The following SNTB1 variants were observed in gnomAD, a reference collection of about 807,000 sequenced individuals.
SNTB1 encodes the protein syntrophin beta 1, also known as beta-1-syntrophin.
SNTB1 carries 36 observed loss-of-function variants against 48.9 expected under a neutral mutation model. The observed-to-expected ratio is 0.74, with a 90% confidence interval of 0.56 to 0.97. The LOEUF is 0.97. Ranked by LOEUF, SNTB1 falls within the 50% of genes least tolerant of loss-of-function variation. SNTB1 has a pLI of 0.00. For synonymous variants in SNTB1, 299 were observed against 294.6 expected, an observed-to-expected ratio of 1.01 and a Z score of -0.15; for missense variants, 786 against 703.4, an observed-to-expected ratio of 1.12 and a Z score of -1.33.
intron 4 of SNTB1, among the ~76,000 whole-genome samples, chr8:120,572,159 C>T (rs1815865878): frequency 6.6e-6 from 1 of 152,172 alleles, no homozygotes; most frequent in African/African-American, 2.4e-5. Context: ...CCAGCTGACC[C>T]TTGACCATAA....
intron 1 of SNTB1, among the ~76,000 whole-genome samples, chr8:120,720,420 T>C (rs1447958893): frequency 1.3e-5 from 2 of 152,178 alleles, no homozygotes; most frequent in Non-Finnish European, 1.5e-5. Context: ...GACAACTGAG[T>C]CTTTTCCGTA....
intron 1 of SNTB1, among the ~76,000 whole-genome samples, chr8:120,798,926 C>G (rs1394823339): frequency 6.6e-6 from 1 of 152,070 alleles, no homozygotes; most frequent in South Asian, 2.1e-4. Flanking sequence ...CCACAGGCTG[C>G]AGGTTGCTTA....
At chr8:120,603,237 G>A (rs1345263129) in intron 3 of SNTB1, among the ~76,000 whole-genome samples, 1 of 152,030 alleles carries the variant, frequency 6.6e-6, no homozygotes, top group African/African-American at 2.4e-5. Flanking sequence ...AAATAGCTGG[G>A]ACTACAGGTG....
chr8:120,785,192 A>C lies in SNTB1; in HGVS notation c.571+26081T>G, dbSNP rs374925983. Among the ~76,000 whole-genome samples, 357 of 152,292 alleles carry C rather than the reference A, an allele frequency of 2.3e-3. 1 individual carries two copies. The highest frequency in any genetic ancestry group is 8.2e-3 in the African/African-American group (341 of 41,558). On this transcript the variant is annotated intron_variant, in intron 1 of 6. Coordinates refer to ENST00000517992, the MANE Select transcript of SNTB1 (RefSeq NM_021021.4). The stretch of plus-strand genomic sequence containing the variant: ...TGATATAATCTTGAGTAGGAATGAA[A>C]CCCTATGACCAGAACCATTGAGAGA...
At chr8:120,783,586 A>T (rs899159835) in intron 1 of SNTB1, among the ~76,000 whole-genome samples, 3 of 152,148 alleles carry the variant, frequency 2.0e-5, no homozygotes, top group Non-Finnish European at 4.4e-5. Flanking sequence ...ACTTGCCCTG[A>T]TAGAGTCCTG....
chr8:120,637,338 C>A, intron 2 of SNTB1: 1 of 267,626 alleles, frequency 3.7e-6, no homozygotes, highest in South Asian at 5.9e-5. Flanking sequence ...ACCTCACTAC[C>A]TAAGAAATCA....
intron 1 of SNTB1, among the ~76,000 whole-genome samples, chr8:120,717,207 G>T (rs954269693): frequency 6.6e-6 from 1 of 152,160 alleles, no homozygotes; most frequent in Non-Finnish European, 1.5e-5. Flanking sequence ...AGGCCACTAC[G>T]GACCTCACTG....
chr8:120,725,675 A>C (rs1450499569), intron 1 of SNTB1, among the ~76,000 whole-genome samples: 1 of 152,220 alleles, frequency 6.6e-6, no homozygotes, highest in Non-Finnish European at 1.5e-5. Context: ...TGGTGGCAGC[A>C]GTATCTACAA....
At chr8:120,605,550 T>C (rs1816500006) in intron 3 of SNTB1, among the ~76,000 whole-genome samples, 1 of 152,210 alleles carries the variant, frequency 6.6e-6, no homozygotes, top group Admixed American at 6.5e-5. Context: ...TGTGTTCACC[T>C]CTTTTTGTAT....
rs1198811754 is a variant in SNTB1, at chr8:120,633,851, C to G, written c.789-1200G>C. ...CTGGGATGCCCTTCACCAGTTTCTC[C>G]CAATGGTTATATTTTACCTCCTATA... On this transcript the variant is annotated intron_variant, in intron 2 of 6. Transcript: ENST00000517992. Among the ~76,000 whole-genome samples, 9 of 152,082 alleles carry G rather than the reference C, an allele frequency of 5.9e-5. No individual in the cohort carries two copies. In the East Asian group the frequency reaches 1.7e-3, roughly 29 times the overall value.
intron 1 of SNTB1, among the ~76,000 whole-genome samples, chr8:120,764,987 A>G (rs1271818232): frequency 6.6e-6 from 1 of 152,168 alleles, no homozygotes. Flanking sequence ...GCACTCCAGG[A>G]GGCCGAGGTG....
intron 1 of SNTB1, among the ~76,000 whole-genome samples, chr8:120,723,191 G>T (rs1456205262): frequency 6.6e-6 from 1 of 152,010 alleles, no homozygotes; most frequent in Non-Finnish European, 1.5e-5. Context: ...CACAACACTT[G>T]TTCTGACTAT....
At chr8:120,706,448 G>A (rs1462405674) in intron 1 of SNTB1, among the ~76,000 whole-genome samples, 1 of 152,072 alleles carries the variant, frequency 6.6e-6, no homozygotes, top group Non-Finnish European at 1.5e-5. Context: ...CAATACACAC[G>A]AAAAGTAGTC....
intron 3 of SNTB1, among the ~76,000 whole-genome samples, chr8:120,590,680 C>CTTTTTTTTTTTTTTTTTTTT (rs201399849): frequency 1.5e-5 from 2 of 131,006 alleles, no homozygotes; most frequent in African/African-American, 6.8e-5. Context: ...GTTTTCTTTT[C>CTTTTTTTTTTTTTTTTTTTT]TTTTCTTTTT....
rs557987526 is a variant in SNTB1, at chr8:120,587,136, G to A, written c.997-11911C>T. The stretch of plus-strand genomic sequence containing the variant: ...CTTGGGAGGTTGAGGCAGGAGAATC[G>A]CTTGAATCCAGGAGGTGGAGGTTGC... On this transcript the variant is annotated intron_variant, in intron 3 of 6. Transcript: ENST00000517992. Among the ~76,000 whole-genome samples, 6 of 152,148 alleles carry A rather than the reference G, an allele frequency of 3.9e-5. No individual in the cohort carries two copies. The South Asian group carries it at 8.3e-4, about 21-fold the overall frequency.
At chr8:120,665,101 T>C (rs116375704) in intron 2 of SNTB1, among the ~76,000 whole-genome samples, 2,104 of 152,320 alleles carry the variant, frequency 0.014, 51 homozygotes, top group African/African-American at 0.048. Flanking sequence ...TACATTTTTG[T>C]CCTTTTAAAA....
rs368429860 is a variant in SNTB1, at chr8:120,733,816, T to C, written c.572-39908A>G. ...CCAGTAATAACTATAGGAAAGTAGG[T>C]ACTGCCTCAAGGAAGAGTAGGCTGC... is the stretch of plus-strand genomic sequence containing the variant. On this transcript the variant is annotated intron_variant, in intron 1 of 6. Coordinates refer to ENST00000517992, the MANE Select transcript of SNTB1 (RefSeq NM_021021.4). Among the ~76,000 whole-genome samples, 20 of 152,324 alleles carry C rather than the reference T, an allele frequency of 1.3e-4. No individual in the cohort carries two copies. The East Asian group carries it at 3.9e-3, about 29-fold the overall frequency.
intron 3 of SNTB1, among the ~76,000 whole-genome samples, chr8:120,604,488 C>A (rs1323847742): frequency 6.8e-6 from 1 of 146,268 alleles, no homozygotes; most frequent in African/African-American, 2.5e-5. Context: ...CAGTTTCTCT[C>A]TGTCTCCCAG....
intron 2 of SNTB1, among the ~76,000 whole-genome samples, chr8:120,685,011 C>T (rs1180771620): frequency 3.3e-5 from 5 of 152,218 alleles, no homozygotes; most frequent in African/African-American, 1.2e-4. Context: ...TCCCACCTTC[C>T]AGACACACTG....
Sources: allele counts gnomAD v4.1 joint callset (sites outside exome capture counted in the v4.1 genomes callset), GRCh38; gene constraint gnomAD v4.1.1; transcripts MANE v1.5; gene names NCBI Gene and HGNC (gene_info 2026-07-23, HGNC 2026-07-21).